Variants in THSD7B observed in about 807,000 individuals in gnomAD.
THSD7B encodes thrombospondin type 1 domain containing 7B, also known as thrombospondin type-1 domain-containing protein 7B.
A neutral mutation model predicts 213.6 loss-of-function variants in THSD7B; 138 were observed. The observed-to-expected ratio is 0.65, with a 90% confidence interval of 0.56 to 0.74. The LOEUF (loss-of-function observed/expected upper bound fraction) is 0.74, where lower values mean the gene tolerates loss of function less well. Ranked by LOEUF, THSD7B falls within the 30% of genes least tolerant of loss-of-function variation. The pLI is 0.00. For missense variants in THSD7B, 1,931 were observed against 1,991.5 expected, an observed-to-expected ratio of 0.97 and a Z score of 0.58; for synonymous variants, 742 against 687.0, an observed-to-expected ratio of 1.08 and a Z score of -1.25.
chr2:136,846,982 G>A (rs1683021723), intron 1 of THSD7B, among the ~76,000 whole-genome samples: 1 of 152,102 alleles, frequency 6.6e-6, no homozygotes, highest in Non-Finnish European at 1.5e-5. Flanking sequence ...CTGGCCACAG[G>A]AGAAACATTT....
intron 2 of THSD7B, among the ~76,000 whole-genome samples, chr2:137,033,045 T>A (rs1573778287): frequency 6.6e-6 from 1 of 152,228 alleles, no homozygotes; most frequent in Non-Finnish European, 1.5e-5. Context: ...TTCCAATGAT[T>A]CAAGTTCATT....
chr2:137,119,179 A>G (rs1306012246), intron 5 of THSD7B, among the ~76,000 whole-genome samples: 1 of 152,228 alleles, frequency 6.6e-6, no homozygotes, highest in Non-Finnish European at 1.5e-5. Context: ...AATGTGGTAA[A>G]CCACATAAAT....
chr2:137,095,222 T>C, intron 4 of THSD7B, 101 bp downstream of exon 4: 1 of 1,473,908 alleles, frequency 6.8e-7, no homozygotes, highest in African/African-American at 1.4e-5. Context: ...ATTTATTGAG[T>C]CTTCACTCAG....
At position 136,990,631 on chromosome 2, in the gene THSD7B, TG is replaced by T. The variant is rs202231650; in HGVS notation, c.140-65784del. 6.9e-3 allele frequency among the ~76,000 whole-genome samples: 1,043 copies of T among 152,158 alleles called. 8 individuals are homozygous for T. The highest frequency in any genetic ancestry group is 0.017 in the Middle Eastern group (5 of 294). On this transcript the variant is annotated intron_variant, in intron 2 of 27. Transcript: ENST00000409968. ...CGTGATGGAGGTGCTTTGCAAAATG[TG>T]GGGGAAAATGGCCTTATTTCATAGG...
chr2:136,936,450 G>T (rs1684730964), intron 2 of THSD7B, among the ~76,000 whole-genome samples: 1 of 152,144 alleles, frequency 6.6e-6, no homozygotes, highest in Non-Finnish European at 1.5e-5. Context: ...AGTGGATAAA[G>T]AAACTGTGGT....
intron 12 of THSD7B, among the ~76,000 whole-genome samples, chr2:137,357,438 A>G (rs189543360): frequency 6.6e-6 from 1 of 152,216 alleles, no homozygotes; most frequent in African/African-American, 2.4e-5. Context: ...TTTGTTTACA[A>G]ACTGAGATTA....
At chr2:137,417,051 A>G (rs762912966) in intron 14 of THSD7B, among the ~76,000 whole-genome samples, 3 of 152,210 alleles carry the variant, frequency 2.0e-5, no homozygotes, top group Non-Finnish European at 2.9e-5. Context: ...TATCATCCAC[A>G]TGTAATTTAG....
chr2:137,349,236 T>C (rs991312784), intron 12 of THSD7B, among the ~76,000 whole-genome samples: 1 of 151,790 alleles, frequency 6.6e-6, no homozygotes, highest in Non-Finnish European at 1.5e-5. Flanking sequence ...AAATCAAACT[T>C]ACTAATGTTC....
intron 1 of THSD7B, among the ~76,000 whole-genome samples, chr2:136,795,120 G>A (rs1326314901): frequency 5.3e-5 from 8 of 151,914 alleles, no homozygotes; most frequent in African/African-American, 1.9e-4. Flanking sequence ...GTCATAGCTC[G>A]TTGACTTAAC....
chr2:136,895,971 C>T (rs867187294), intron 2 of THSD7B, among the ~76,000 whole-genome samples: 23 of 152,170 alleles, frequency 1.5e-4, no homozygotes, highest in South Asian at 4.1e-4. Context: ...GAATAGTATT[C>T]CATTGTATGG....
intron 2 of THSD7B, among the ~76,000 whole-genome samples, chr2:136,917,670 A>C (rs1684371023): frequency 6.6e-6 from 1 of 152,234 alleles, no homozygotes; most frequent in Admixed American, 6.5e-5. Flanking sequence ...GTGTATGATC[A>C]CATCATATAA....
At chr2:137,309,046 A>G (rs995219985) in intron 12 of THSD7B, among the ~76,000 whole-genome samples, 1 of 152,140 alleles carries the variant, frequency 6.6e-6, no homozygotes, top group Non-Finnish European at 1.5e-5. Flanking sequence ...GCAGGAATCT[A>G]TAAAGTTTTT....
In THSD7B at chr2:137,228,028, C is replaced by T. The variant is rs183633645; in HGVS notation, c.1724-3016C>T. On this transcript the variant is annotated intron_variant, in intron 7 of 27. Transcript: ENST00000409968. ...TGATTCCTACAAATGAAATAATTGACGTTCAAAAATGTTAAGTGATGTCCT... is the reference window on the plus strand; with the variant it reads ...TGATTCCTACAAATGAAATAATTGATGTTCAAAAATGTTAAGTGATGTCCT... Among the ~76,000 whole-genome samples the T allele has an allele frequency of 7.7e-4, 117 of 152,084 alleles. 5 individuals carry two copies. The South Asian group carries it at 0.018, about 23-fold the overall frequency.
chr2:137,284,850 G>A (rs1683128104), intron 12 of THSD7B, among the ~76,000 whole-genome samples: 1 of 152,134 alleles, frequency 6.6e-6, no homozygotes, highest in South Asian at 2.1e-4. Flanking sequence ...TAGGTGTGGT[G>A]TGGTGCTGAA....
Position 136,860,270 on chromosome 2 carries a change from C to T in THSD7B, c.-35-21874C>T, listed in dbSNP as rs186212373. The stretch of plus-strand genomic sequence containing the variant: ...GGGAGTGCGTTGATGGTGGTGCAGG[C>T]CTTGGTCTTCTTCTCTATCCATTCT... On this transcript the variant is annotated intron_variant, in intron 1 of 27. Coordinates refer to ENST00000409968, the MANE Select transcript of THSD7B (RefSeq NM_001316349.2). Among the ~76,000 whole-genome samples, 66 of 152,014 alleles carry T rather than the reference C, an allele frequency of 4.3e-4. 1 individual carries two copies. In the East Asian group the frequency reaches 8.9e-3, roughly 21 times the overall value.
At chr2:137,426,009 A>G (rs1687046587) in intron 14 of THSD7B, among the ~76,000 whole-genome samples, 1 of 152,200 alleles carries the variant, frequency 6.6e-6, no homozygotes, top group African/African-American at 2.4e-5. Context: ...TCAACATACA[A>G]AAATCAGTGG....
At chr2:136,866,058 T>C (rs557788752) in intron 1 of THSD7B, among the ~76,000 whole-genome samples, 1 of 152,300 alleles carries the variant, frequency 6.6e-6, no homozygotes, top group African/African-American at 2.4e-5. Context: ...ATGGTGAGCA[T>C]TGCCTCTGGT....
chr2:137,516,473 G>A (rs1680071404), intron 15 of THSD7B, among the ~76,000 whole-genome samples: 1 of 152,162 alleles, frequency 6.6e-6, no homozygotes, highest in African/African-American at 2.4e-5. Flanking sequence ...TTTTACCAGG[G>A]TAACTGCACT....
At chr2:137,425,454 T>G (rs1443877635) in intron 14 of THSD7B, among the ~76,000 whole-genome samples, 1 of 152,126 alleles carries the variant, frequency 6.6e-6, no homozygotes, top group Admixed American at 6.5e-5. Context: ...TGACCTCAGG[T>G]GATCCGCCCA....
Sources: allele counts gnomAD v4.1 joint callset (sites outside exome capture counted in the v4.1 genomes callset), GRCh38; gene constraint gnomAD v4.1.1; transcripts MANE v1.5; gene names NCBI Gene and HGNC (gene_info 2026-07-23, HGNC 2026-07-21).